The following TCF4 variants were observed in gnomAD, a reference collection of about 807,000 sequenced individuals.
TCF4 encodes SL3-3 enhancer factor 2.
In TCF4, 3 loss-of-function variants were observed where a neutral mutation model predicts 82.1. That is an observed-to-expected ratio of 0.04 (90% confidence interval 0.02 to 0.09). TCF4 has a LOEUF of 0.09. Among genes scored for constraint, TCF4 ranks in the 10% least tolerant of loss-of-function variants. TCF4 has a pLI of 1.00. For synonymous variants in TCF4, 276 were observed against 309.6 expected (o/e 0.89, Z 1.14); for missense variants, 518 against 852.7 (o/e 0.61, Z 4.89).
intron 5 of TCF4, among the ~76,000 whole-genome samples, chr18:55,429,764 CAAAAAAAAAAA>C (rs35255242): frequency 1.7e-5 from 1 of 57,172 alleles, no homozygotes; most frequent in Admixed American, 3.2e-4. Flanking sequence ...GACTCCATCT[CAAAAAAAAAAA>C]AAAAAAAAAA....
intron 3 of TCF4, among the ~76,000 whole-genome samples, chr18:55,509,077 C>T (rs938567870): frequency 4.6e-5 from 7 of 152,028 alleles, no homozygotes; most frequent in African/African-American, 1.7e-4. Flanking sequence ...CTTCAATAAT[C>T]CACACTAAAA....
intron 2 of TCF4, among the ~76,000 whole-genome samples, chr18:55,628,147 C>G (rs2097728400): frequency 1.3e-5 from 2 of 152,188 alleles, no homozygotes; most frequent in South Asian, 4.1e-4. Flanking sequence ...TGACAACTAC[C>G]TGGCTTCAGG....
intron 2 of TCF4, among the ~76,000 whole-genome samples, chr18:55,622,015 T>A (rs1185447129): frequency 4.6e-5 from 6 of 131,392 alleles, no homozygotes; most frequent in South Asian, 2.2e-4. Context: ...ACTATATATA[T>A]TATATACACT....
intron 5 of TCF4, among the ~76,000 whole-genome samples, chr18:55,460,393 T>C (rs1053178069): frequency 6.6e-6 from 1 of 152,170 alleles, no homozygotes; most frequent in African/African-American, 2.4e-5. Flanking sequence ...AAAAACATGC[T>C]GAGGATGCCA....
chr18:55,372,703 C>T (rs918799155), intron 6 of TCF4, among the ~76,000 whole-genome samples: 1 of 151,900 alleles, frequency 6.6e-6, no homozygotes, highest in Non-Finnish European at 1.5e-5. Context: ...CAAGATGGGG[C>T]AAGGAAACGC....
At chr18:55,379,816 C>G (rs918742447) in intron 6 of TCF4, among the ~76,000 whole-genome samples, 1 of 152,066 alleles carries the variant, frequency 6.6e-6, no homozygotes, top group Non-Finnish European at 1.5e-5. Context: ...CTAACAGTTC[C>G]GGAGGCTAGA....
chr18:55,275,892 G>C, intron 9 of TCF4, 140 bp from the exon 10 acceptor site: 5 of 1,075,984 alleles, frequency 4.6e-6, no homozygotes, highest in Non-Finnish European at 7.0e-6. Context: ...TCAGAAGACA[G>C]TCATCATTTC....
chr18:55,531,196 CA>C (rs2146721810), intron 3 of TCF4, among the ~76,000 whole-genome samples: 1 of 152,152 alleles, frequency 6.6e-6, no homozygotes, highest in Admixed American at 6.5e-5. Flanking sequence ...TCAAGTGATC[CA>C]CCTGCCTCAG....
chr18:55,494,463 A>T (rs1340924556), intron 3 of TCF4, among the ~76,000 whole-genome samples: 1 of 152,096 alleles, frequency 6.6e-6, no homozygotes, highest in African/African-American at 2.4e-5. Context: ...CAGCCTTATT[A>T]AAATTACATT....
At chr18:55,346,596 G>T (rs1302776063) in intron 8 of TCF4, among the ~76,000 whole-genome samples, 1 of 152,166 alleles carries the variant, frequency 6.6e-6, no homozygotes, top group Non-Finnish European at 1.5e-5. Context: ...ATGTTCAAGA[G>T]ATTCCAACTG....
intron 3 of TCF4, among the ~76,000 whole-genome samples, chr18:55,542,682 AC>A (rs2097174412): frequency 6.6e-6 from 1 of 151,996 alleles, no homozygotes; most frequent in Non-Finnish European, 1.5e-5. Flanking sequence ...ATATGTACAC[AC>A]AATCTGCCAT....
chr18:55,432,084 T>C (rs1349577393), intron 5 of TCF4, among the ~76,000 whole-genome samples: 1 of 152,112 alleles, frequency 6.6e-6, no homozygotes, highest in Non-Finnish European at 1.5e-5. Context: ...GATGGATCAC[T>C]TGAAGTCAGG....
At chr18:55,310,231 T>C (rs2071870759) in intron 8 of TCF4, among the ~76,000 whole-genome samples, 1 of 152,168 alleles carries the variant, frequency 6.6e-6, no homozygotes. Context: ...TGAGAATGCC[T>C]GTGGGAAGGA....
In TCF4 at chr18:55,362,634, G is replaced by A. The variant is rs528658134; in HGVS notation, c.370-11631C>T. Among the ~76,000 whole-genome samples, 110 of 152,232 alleles carry A rather than the reference G, an allele frequency of 7.2e-4. 1 individual carries two copies. In the Middle Eastern group the frequency reaches 0.01, roughly 14 times the overall value. ...CAAAACATTATAACCAGCCTTAAAT[G>A]CTTATGAGAAAGATGCTGTTAAAAT... On this transcript the variant is annotated intron_variant, in intron 6 of 19. Transcript: ENST00000354452.
chr18:55,292,975 A>G (rs1169162200), intron 8 of TCF4, among the ~76,000 whole-genome samples: 1 of 152,124 alleles, frequency 6.6e-6, no homozygotes, highest in Non-Finnish European at 1.5e-5. Context: ...AAGTAGGGGG[A>G]TAGGAAGGAA....
intron 8 of TCF4, among the ~76,000 whole-genome samples, chr18:55,339,699 A>G (rs1052553764): frequency 1.3e-5 from 2 of 152,186 alleles, no homozygotes; most frequent in African/African-American, 4.8e-5. Context: ...TACTTTCAGC[A>G]GATGTTTTTT....
chr18:55,248,675 G>A (rs541318757), intron 15 of TCF4, among the ~76,000 whole-genome samples: 72 of 152,312 alleles, frequency 4.7e-4, no homozygotes, highest in Non-Finnish European at 6.8e-4. Context: ...ATGGTATTAG[G>A]GTAAAGAGGA....
chr18:55,619,270 G>A (rs2097715363), intron 2 of TCF4, among the ~76,000 whole-genome samples: 1 of 152,106 alleles, frequency 6.6e-6, no homozygotes. Context: ...TTGGTCATTT[G>A]TAACTTTTGA....
chr18:55,523,591 T>C (rs1173768982), intron 3 of TCF4, among the ~76,000 whole-genome samples: 2 of 152,000 alleles, frequency 1.3e-5, no homozygotes, highest in Non-Finnish European at 2.9e-5. Flanking sequence ...ACTTAACTAA[T>C]AAGAGGGAAT....
Sources: gnomAD v4.1 joint callset for allele counts (sites outside exome capture counted in the v4.1 genomes callset) on GRCh38, gnomAD v4.1.1 for gene constraint, MANE v1.5 for transcripts, NCBI Gene and HGNC (gene_info 2026-07-23, HGNC 2026-07-21) for gene names.